The following MAST4 variants were observed in gnomAD, a reference collection of about 807,000 sequenced individuals.
MAST4 encodes microtubule associated serine/threonine kinase family member 4, also known as microtubule-associated serine/threonine-protein kinase 4.
MAST4 carries 89 observed loss-of-function variants against 162.7 expected under a neutral mutation model. The observed-to-expected ratio is 0.55, with a 90% CI of 0.46 to 0.65. The LOEUF (loss-of-function observed/expected upper bound fraction) is 0.65. Among genes scored for constraint, MAST4 ranks in the 30% least tolerant of loss-of-function variants. MAST4 has a pLI of 0.00. For synonymous variants in MAST4, 1,479 were observed against 1,361.1 expected, an observed-to-expected ratio of 1.09 and a Z score of -1.91; for missense variants, 3,153 against 3,374.0, an observed-to-expected ratio of 0.93 and a Z score of 1.62.
At chr5:66,952,510 C>T (rs1744823855) in intron 4 of MAST4, among the ~76,000 whole-genome samples, 1 of 152,084 alleles carries the variant, frequency 6.6e-6, no homozygotes, top group Admixed American at 6.6e-5. Context: ...TCATATAGAA[C>T]ATAAATCTGA....
At chr5:66,908,719 G>A (rs1763545957) in intron 4 of MAST4, among the ~76,000 whole-genome samples, 1 of 152,178 alleles carries the variant, frequency 6.6e-6, no homozygotes, top group Non-Finnish European at 1.5e-5. Flanking sequence ...GCAGATGTCT[G>A]TGCTGTCTCA....
chr5:66,651,305 G>T (rs921509322), intron 1 of MAST4, among the ~76,000 whole-genome samples: 1 of 152,072 alleles, frequency 6.6e-6, no homozygotes, highest in South Asian at 2.1e-4. Flanking sequence ...AGGAATTATA[G>T]ATGCAGATTT....
rs543995599 is a variant in MAST4, at chr5:67,130,483, C to G, written c.1954+65C>G. The G allele has an allele frequency of 2.6e-6, 4 of 1,533,960 alleles. No homozygotes were observed. The East Asian group carries it at 6.7e-5, about 26-fold the overall frequency. On this transcript the variant is annotated intron_variant, in intron 15 of 28. Transcript: ENST00000403625. The stretch of plus-strand genomic sequence containing the variant: ...CCCTTGCTCATTTGTGTTGTTGAAG[C>G]TGTCTGTATTTGTGCCACATAATGG...
At chr5:67,027,815 A>G (rs1754843219) in intron 4 of MAST4, among the ~76,000 whole-genome samples, 1 of 152,152 alleles carries the variant, frequency 6.6e-6, no homozygotes, top group Non-Finnish European at 1.5e-5. Context: ...ACCACCTCTA[A>G]GTTTAAGATA....
chr5:67,126,228 T>C (rs1170850592), intron 14 of MAST4, among the ~76,000 whole-genome samples: 1 of 152,252 alleles, frequency 6.6e-6, no homozygotes, highest in Non-Finnish European at 1.5e-5. Context: ...TCTTTTGCTG[T>C]GCAGAAGCTC....
chr5:66,697,079 G>A (rs1319997025), intron 1 of MAST4, among the ~76,000 whole-genome samples: 1 of 152,244 alleles, frequency 6.6e-6, no homozygotes, highest in Admixed American at 6.5e-5. Flanking sequence ...GTTATCAGAT[G>A]TAGACATTTG....
intron 1 of MAST4, among the ~76,000 whole-genome samples, chr5:66,740,771 G>T (rs1022336056): frequency 1.3e-5 from 2 of 152,194 alleles, no homozygotes; most frequent in African/African-American, 4.8e-5. Flanking sequence ...TTGGTCTGTG[G>T]CTGGGTGACA....
chr5:67,164,438 C>T lies in MAST4; in HGVS notation c.5259C>T (p.Val1753=), dbSNP rs1773620524. ...SSTHAAQMSA[V]SFVPLKALTG... ...CCCATGCAGCTCAGATGAGTGCCGTCTCTTTTGTTCCCCTCAAGGCCTTAA... is the reference window on the plus strand; with the variant it reads ...CCCATGCAGCTCAGATGAGTGCCGTTTCTTTTGTTCCCCTCAAGGCCTTAA... Residue 1753 remains valine (V), a synonymous_variant, in exon 29 of 29, where the codon GTC becomes GTT. Transcript: ENST00000403625. This position sits in a 1 kb window ranked among gnomAD's most constrained non-coding sequence, Gnocchi z 5.3. 5.6e-6 allele frequency: 9 copies of T among 1,613,920 alleles called. No homozygotes were observed. The highest frequency in any genetic ancestry group is 7.6e-6 in the Non-Finnish European group (9 of 1,179,920).
In MAST4 at chr5:67,054,438, A is replaced by G; in HGVS notation, c.709A>G (p.Asn237Asp). 1 of 1,610,930 alleles carries G rather than the reference A, an allele frequency of 6.2e-7. No individual in the cohort carries two copies. Among genetic ancestry groups the G allele is most frequent in the Non-Finnish European group, 8.5e-7 (1 of 1,178,640 alleles). The change falls in exon 5 of 29, where the codon AAT becomes GAT. Residue 237 changes from asparagine (N) to aspartate (D), a missense_variant. Physicochemically the swap from Asn to Asp is conservative, Grantham distance 23. Around this residue, in one of 7 missense-constraint regions of MAST4, gnomAD observed 327 missense variants for 336.5 expected, o/e 0.97. Transcript: ENST00000403625. ...AAGCAACCGGAAAAGCTTAATAGGC[A>G]ATGGGCAGTCACCAGCATTGCCTCG... ...RTSNRKSLIG[N>D]GQSPALPRPH...
intron 3 of MAST4, among the ~76,000 whole-genome samples, chr5:66,886,538 CTG>C (rs777645054): frequency 2.0e-4 from 30 of 151,648 alleles, no homozygotes; most frequent in Non-Finnish European, 3.7e-4. Context: ...TTTGTTGTTG[CTG>C]TGTGTGTGTG....
intron 5 of MAST4, among the ~76,000 whole-genome samples, chr5:67,062,688 T>C (rs1759771932): frequency 6.6e-6 from 1 of 152,164 alleles, no homozygotes; most frequent in Admixed American, 6.5e-5. Context: ...CATAACAAAT[T>C]AATTGTTAGC....
At chr5:66,793,201 T>C (rs78414779) in intron 3 of MAST4, among the ~76,000 whole-genome samples, 2,283 of 152,332 alleles carry the variant, frequency 0.015, 55 homozygotes, top group African/African-American at 0.051. Context: ...ATAGTTGTGT[T>C]CCCTTTCCCA....
chr5:67,100,403 T>C (rs1764904686), intron 7 of MAST4, 32 bp from the exon 8 acceptor site: 2 of 1,612,350 alleles, frequency 1.2e-6, no homozygotes, highest in Admixed American at 1.7e-5. Context: ...CTTTCTGAGG[T>C]AGTTATGTGA....
intron 16 of MAST4, 35 bp from the exon 17 acceptor site, chr5:67,133,479 G>A (rs1769244943): frequency 6.2e-7 from 1 of 1,607,150 alleles, no homozygotes; most frequent in Non-Finnish European, 8.5e-7. Flanking sequence ...AGCTTATAAA[G>A]TGATTATTGT....
intron 3 of MAST4, among the ~76,000 whole-genome samples, chr5:66,894,103 C>G (rs572717990): frequency 6.6e-6 from 1 of 152,286 alleles, no homozygotes; most frequent in Admixed American, 6.5e-5. Context: ...ATCTAAAAAC[C>G]TGAAACTTTA....
intron 3 of MAST4, among the ~76,000 whole-genome samples, chr5:66,868,254 G>T (rs1022165979): frequency 6.6e-6 from 1 of 152,060 alleles, no homozygotes; most frequent in Non-Finnish European, 1.5e-5. Context: ...AATAGGGAAA[G>T]AAAAATATTT....
intron 2 of MAST4, among the ~76,000 whole-genome samples, chr5:66,771,755 G>A (rs1754368568): frequency 7.2e-6 from 1 of 138,886 alleles, no homozygotes; most frequent in Admixed American, 7.0e-5. Context: ...CTGGTTTCGG[G>A]CTTTTTTTTT....
intron 3 of MAST4, among the ~76,000 whole-genome samples, chr5:66,812,739 G>A (rs535993280): frequency 1.1e-4 from 17 of 152,294 alleles, no homozygotes; most frequent in African/African-American, 2.6e-4. Flanking sequence ...CCCTTGGTAC[G>A]TAGTAATGCT....
chr5:67,000,066 A>G (rs751332968), intron 4 of MAST4, among the ~76,000 whole-genome samples: 87 of 152,194 alleles, frequency 5.7e-4, no homozygotes, highest in Non-Finnish European at 1.0e-3. Flanking sequence ...CTCATTCAGG[A>G]CAGCCAGTTT....
Sources: gnomAD v4.1 joint callset for allele counts (sites outside exome capture counted in the v4.1 genomes callset) on GRCh38, gnomAD v4.1.1 for gene constraint, gnomAD v4.1.1 regional missense constraint, Gnocchi (gnomAD v3.1) non-coding constraint, MANE v1.5 for transcripts, NCBI Gene and HGNC (gene_info 2026-07-23, HGNC 2026-07-21) for gene names.